The following VWF variants were observed in gnomAD, a reference collection of about 807,000 sequenced individuals.
VWF encodes von Willebrand factor, also known as Factor VIII related antigen.
Under a neutral mutation model 308.6 loss-of-function variants are expected in VWF, and 176 were observed. The ratio of observed to expected loss-of-function variants is 0.57; its 90% CI spans 0.50 to 0.65. The LOEUF (loss-of-function observed/expected upper bound fraction) is 0.65, where lower values mean the gene tolerates loss of function less well. Ranked by LOEUF, VWF falls within the 30% of genes least tolerant of loss-of-function variation. The probability of loss-of-function intolerance (pLI) is 0.00; values close to 1 mark genes in which losing one functional copy is unlikely to be tolerated. For synonymous variants in VWF, 1,385 were observed against 1,443.4 expected (o/e 0.96, Z 0.92); for missense variants, 3,146 against 3,648.2 (o/e 0.86, Z 3.55).
chr12:6,034,602 C>G, intron 20 of VWF, 86 bp downstream of exon 20: 1 of 1,600,788 alleles, frequency 6.2e-7, no homozygotes, highest in Non-Finnish European at 8.5e-7. Context: ...TTTCTGCAGA[C>G]AGATCCACAG....
chr12:6,074,274 C>A (rs987226551), intron 7 of VWF, among the ~76,000 whole-genome samples: 3 of 152,078 alleles, frequency 2.0e-5, no homozygotes, highest in African/African-American at 7.2e-5. Flanking sequence ...ATCACCTAAG[C>A]ACTCTCTGTT....
At chr12:6,070,679 G>A (rs890370504) in intron 10 of VWF, among the ~76,000 whole-genome samples, 4 of 152,194 alleles carry the variant, frequency 2.6e-5, no homozygotes, top group African/African-American at 9.6e-5. Context: ...TTGGAAGGTG[G>A]GGCAGAAGGG....
intron 34 of VWF, among the ~76,000 whole-genome samples, chr12:6,001,474 A>G (rs1441587441): frequency 6.6e-6 from 1 of 152,224 alleles, no homozygotes; most frequent in Non-Finnish European, 1.5e-5. Flanking sequence ...GATATCAGAC[A>G]AAGTAAAATT....
chr12:5,961,422 A>G (rs975343331), intron 47 of VWF, among the ~76,000 whole-genome samples: 21 of 152,290 alleles, frequency 1.4e-4, no homozygotes, highest in Non-Finnish European at 2.1e-4. Flanking sequence ...TCAGAAAGAA[A>G]ATATTCCCAT....
rs142487813 is a variant in VWF, at chr12:5,977,253, G to A, written c.7288-993C>T. On this transcript the variant is annotated intron_variant, in intron 42 of 51. Transcript: ENST00000261405. ...AGGAATCTATCCCAAAGACACACTG[G>A]CAAGACCACAAAATGACAGATGCAC... is the stretch of plus-strand genomic sequence containing the variant. Among the ~76,000 whole-genome samples the A allele has an allele frequency of 5.9e-5, 9 of 152,288 alleles. No individual in the cohort carries two copies. In the South Asian group the frequency reaches 6.2e-4, roughly 11 times the overall value.
intron 22 of VWF, among the ~76,000 whole-genome samples, chr12:6,026,998 C>T (rs879346541): frequency 6.7e-6 from 1 of 148,722 alleles, no homozygotes; most frequent in African/African-American, 2.5e-5. Flanking sequence ...ATACTTAGAG[C>T]CCTGATGTTG....
At chr12:6,000,675 G>A (rs7300389) in intron 34 of VWF, among the ~76,000 whole-genome samples, 12,634 of 151,660 alleles carry the variant, frequency 0.083, 1,026 homozygotes, top group East Asian at 0.38. Context: ...AGCCAGGCGT[G>A]GTGGCGGGCG....
In VWF at chr12:5,952,397, A is replaced by G; in HGVS notation, c.8109T>C (p.Ala2703=). The part of the protein sequence containing the change: ...CPPFDEHKCL[A]EGGKIMKIPG... ...AAGCAGAATGAGTACTCACTCCCTC[A>G]GCCAGACACTTGTGTTCATCAAAGG... The change falls in exon 49 of 52, where the codon GCT becomes GCC. Residue 2703 remains alanine (A), a synonymous_variant. Coordinates refer to ENST00000261405, the MANE Select transcript of VWF (RefSeq NM_000552.5). 1 of 1,614,010 alleles carries G rather than the reference A, an allele frequency of 6.2e-7. No individual in the cohort carries two copies. The highest frequency in any genetic ancestry group is 8.5e-7 in the Non-Finnish European group (1 of 1,179,884).
At chr12:6,023,298 T>C (rs1944150868) in intron 25 of VWF, among the ~76,000 whole-genome samples, 2 of 152,154 alleles carry the variant, frequency 1.3e-5, no homozygotes, top group Admixed American at 1.3e-4. Context: ...TATGAGTTGA[T>C]CACTCATATT....
At chr12:6,115,854 G>A (rs7309514) in intron 3 of VWF, among the ~76,000 whole-genome samples, 2,811 of 152,218 alleles carry the variant, frequency 0.018, 76 homozygotes, top group African/African-American at 0.052. Flanking sequence ...AATGTCCTCA[G>A]GGGGAAAACC....
intron 6 of VWF, among the ~76,000 whole-genome samples, chr12:6,078,045 T>C (rs1314431120): frequency 1.3e-5 from 2 of 152,086 alleles, no homozygotes; most frequent in African/African-American, 4.8e-5. Context: ...ACCCCTATCA[T>C]CATCATCATC....
At chr12:6,079,396 G>A (rs1035411566) in intron 6 of VWF, among the ~76,000 whole-genome samples, 1 of 152,116 alleles carries the variant, frequency 6.6e-6, no homozygotes, top group Non-Finnish European at 1.5e-5. Context: ...CAAGAGGTCA[G>A]GAGATCAAGA....
chr12:6,097,874 T>C, intron 5 of VWF, among the ~76,000 whole-genome samples: 1 of 152,226 alleles, frequency 6.6e-6, no homozygotes, highest in East Asian at 1.9e-4. Context: ...TGACACTTTC[T>C]AATAAACCAC....
At chr12:6,013,999 C>T (rs1944026123) in intron 31 of VWF, among the ~76,000 whole-genome samples, 1 of 151,978 alleles carries the variant, frequency 6.6e-6, no homozygotes, top group South Asian at 2.1e-4. Context: ...GATGAGAATG[C>T]CCAGGGCTGA....
chr12:5,994,407 G>A lies in VWF; in HGVS notation c.6256+8C>T, dbSNP rs902821903. The A allele has an allele frequency of 6.2e-7, 1 of 1,613,974 alleles. No individual in the cohort carries two copies. Among genetic ancestry groups the A allele is most frequent in the Non-Finnish European group, 8.5e-7 (1 of 1,179,948 alleles). ...GGGGGAGAAGAGGAGTTGAGAAAAT[G>A]TTCTTACCACACAGACCATACGTCT... On this transcript the variant is annotated splice_region_variant and intron_variant, in intron 36 of 51. Coordinates refer to ENST00000261405, the MANE Select transcript of VWF (RefSeq NM_000552.5).
chr12:6,101,448 A>C (rs1194452330), intron 5 of VWF, among the ~76,000 whole-genome samples: 2 of 150,990 alleles, frequency 1.3e-5, no homozygotes, highest in African/African-American at 5.0e-5. Flanking sequence ...AAAAAAAAAA[A>C]TGGAAGTAAG....
At chr12:5,985,968 A>G (rs992966661) in intron 38 of VWF, among the ~76,000 whole-genome samples, 3 of 152,254 alleles carry the variant, frequency 2.0e-5, no homozygotes, top group African/African-American at 7.2e-5. Context: ...TCGCACTGCT[A>G]GTCATTTCTC....
intron 21 of VWF, among the ~76,000 whole-genome samples, chr12:6,031,006 A>G (rs11833733): frequency 0.25 from 38,169 of 152,098 alleles, 5,127 homozygotes; most frequent in African/African-American, 0.32. Context: ...ACTCCAGCCT[A>G]GGCAAAAGAG....
intron 38 of VWF, among the ~76,000 whole-genome samples, chr12:5,988,092 C>T (rs1461018970): frequency 6.6e-6 from 1 of 152,132 alleles, no homozygotes; most frequent in East Asian, 1.9e-4. Context: ...CAAGGGTGCA[C>T]CTATGAAGCA....
Sources: allele counts gnomAD v4.1 joint callset (sites outside exome capture counted in the v4.1 genomes callset), GRCh38; gene constraint gnomAD v4.1.1; transcripts MANE v1.5; gene names NCBI Gene and HGNC (gene_info 2026-07-23, HGNC 2026-07-21).